The following FSCN2 variants were observed in gnomAD, a reference collection of about 807,000 sequenced individuals.
The protein encoded by FSCN2 is fascin actin-bundling protein 2, retinal, also known as fascin-2.
In FSCN2, 46 loss-of-function variants were observed where a neutral mutation model predicts 37.8. The observed-to-expected ratio is 1.22, with a 90% CI of 0.96 to 1.56. The LOEUF (loss-of-function observed/expected upper bound fraction) is 1.56, where lower values mean the gene tolerates loss of function less well. Ranked by LOEUF, FSCN2 falls within the 40% of genes most tolerant of loss-of-function variation. The pLI is 0.00. For synonymous variants in FSCN2, 351 were observed against 309.4 expected (o/e 1.13, Z -1.41); for missense variants, 844 against 730.4 (o/e 1.16, Z -1.79).
At chr17:81,529,567 G>T in intron 1 of FSCN2, 1 of 756,748 alleles carries the variant, frequency 1.3e-6, no homozygotes, top group Non-Finnish European at 2.4e-6. Flanking sequence ...ACTGAGGGGT[G>T]GTGGCTTCAG....
At chr17:81,535,838 C>A (rs1461207329) in intron 2 of FSCN2, among the ~76,000 whole-genome samples, 1 of 127,394 alleles carries the variant, frequency 7.8e-6, no homozygotes, top group Non-Finnish European at 1.6e-5. Flanking sequence ...TCTCCATCCC[C>A]ATCCCCATCT....
At chr17:81,533,741 T>C (rs769227749) in intron 1 of FSCN2, among the ~76,000 whole-genome samples, 1 of 152,136 alleles carries the variant, frequency 6.6e-6, no homozygotes, top group Non-Finnish European at 1.5e-5. Flanking sequence ...TCCACTCCTC[T>C]CCTATTTTGA....
the FSCN2 span, among the ~76,000 whole-genome samples, chr17:81,515,372 A>T: frequency 6.6e-6 from 1 of 152,090 alleles, no homozygotes; most frequent in African/African-American, 2.4e-5. Context: ...CGGCCTCCGG[A>T]GCCGGGAGAG....
intron 1 of FSCN2, 49 bp from the exon 2 acceptor site, chr17:81,535,003 C>G (rs1335779503): frequency 7.0e-7 from 1 of 1,435,540 alleles, no homozygotes; most frequent in African/African-American, 1.4e-5. Flanking sequence ...CCCTCCCCTG[C>G]TCCCTACCCA....
chr17:81,536,425 TG>T (rs2032879417), intron 3 of FSCN2, 158 bp downstream of exon 3: 1 of 1,457,820 alleles, frequency 6.9e-7, no homozygotes, highest in South Asian at 1.3e-5. Context: ...TAACTCGTCT[TG>T]GCAAGGGAAA....
Position 81,536,775 on chromosome 17 carries a change from C to G in FSCN2, c.1259C>G (p.Ala420Gly). ...DVFHLSFSDG[A>G]YRIRGRDGGF... ...TTCCACCTGAGCTTCAGCGACGGCG[C>G]CTACCGGATCCGAGGTGCGTGGCGG... The change falls in exon 4 of 5, where the codon GCC becomes GGC. Residue 420 changes from alanine (A) to glycine (G), a missense_variant. Physicochemically the swap from Ala to Gly is moderately conservative, Grantham distance 60. Transcript: ENST00000417245. The G allele has an allele frequency of 2.5e-6, 4 of 1,601,060 alleles. No individual in the cohort carries two copies. Among genetic ancestry groups the G allele is most frequent in the Non-Finnish European group, 3.4e-6 (4 of 1,173,644 alleles).
the FSCN2 span, among the ~76,000 whole-genome samples, chr17:81,520,084 C>G: frequency 3.9e-5 from 6 of 152,194 alleles, no homozygotes; most frequent in African/African-American, 1.4e-4. Context: ...TGGGCCAGGC[C>G]GTGGCAGGGG....
the FSCN2 span, among the ~76,000 whole-genome samples, chr17:81,517,769 C>T: frequency 9.3e-5 from 14 of 151,204 alleles, no homozygotes; most frequent in African/African-American, 2.4e-4. Context: ...CGCCCCCCCC[C>T]CCTCCAGTCC....
chr17:81,534,638 C>T (rs567981093), intron 1 of FSCN2, among the ~76,000 whole-genome samples: 1 of 151,964 alleles, frequency 6.6e-6, no homozygotes, highest in African/African-American at 2.4e-5. Flanking sequence ...TGCCCCATCA[C>T]CATCCGCACC....
the FSCN2 span, among the ~76,000 whole-genome samples, chr17:81,519,960 C>G: frequency 6.6e-6 from 1 of 152,200 alleles, no homozygotes; most frequent in African/African-American, 2.4e-5. Flanking sequence ...GGCTGAGAGG[C>G]TGGATCGAGG....
chr17:81,530,047 T>C (rs2032498762), intron 1 of FSCN2: 1 of 258,046 alleles, frequency 3.9e-6, no homozygotes, highest in Non-Finnish European at 7.8e-6. Flanking sequence ...CCTGACCTTG[T>C]GATCTGTCCA....
chr17:81,517,760 GC>G, the FSCN2 span, among the ~76,000 whole-genome samples: 69,769 of 113,020 alleles, frequency 0.62, 20,191 homozygotes, highest in East Asian at 0.9. Flanking sequence ...AGCTCCGGCC[GC>G]CCCCCCCCCC....
At chr17:81,523,073 C>T in the FSCN2 span, among the ~76,000 whole-genome samples, 1 of 152,212 alleles carries the variant, frequency 6.6e-6, no homozygotes, top group Admixed American at 6.5e-5. Flanking sequence ...CTTCCAGGCA[C>T]AGCCCCCCAC....
chr17:81,534,999 C>T, intron 1 of FSCN2, 53 bp from the exon 2 acceptor site: 1 of 1,424,036 alleles, frequency 7.0e-7, no homozygotes, highest in Non-Finnish European at 9.3e-7. Flanking sequence ...TGCCCCCTCC[C>T]CTGCTCCCTA....
At chr17:81,531,209 GATGGTGGTGATGGTGATA>G (rs2032543394) in intron 1 of FSCN2, among the ~76,000 whole-genome samples, 2 of 132,080 alleles carry the variant, frequency 1.5e-5, no homozygotes, top group Admixed American at 7.6e-5. Flanking sequence ...TGATGGTGGT[GATGGTGGTGATGGTGATA>G]ATGGTGATGG....
intron 1 of FSCN2, among the ~76,000 whole-genome samples, chr17:81,533,372 A>T (rs1232378995): frequency 6.6e-6 from 1 of 152,206 alleles, no homozygotes; most frequent in African/African-American, 2.4e-5. Flanking sequence ...GGGAGTCCAG[A>T]GAGCCCTGGG....
chr17:81,536,170 G>T lies in FSCN2; in HGVS notation c.1008G>T (p.Met336Ile). The change falls in exon 3 of 5, where the codon ATG becomes ATT. Residue 336 changes from methionine (M) to isoleucine (I), a missense_variant. By Grantham distance (10) the Met-to-Ile change is conservative. Coordinates refer to ENST00000417245, the MANE Select transcript of FSCN2 (RefSeq NM_012418.4). The part of the protein sequence containing the change: ...TQVSANTMFE[M>I]EWRGRRVALK... Reference sequence around the variant, plus strand: ...GTTCTGCCAACACCATGTTTGAGATGGAGTGGCGTGGCCGGCGGGTAGCAC... The same window carrying T: ...GTTCTGCCAACACCATGTTTGAGATTGAGTGGCGTGGCCGGCGGGTAGCAC... 6.2e-7 allele frequency: 1 copy of T among 1,606,098 alleles called. No homozygotes were observed. Among genetic ancestry groups the T allele is most frequent in the Non-Finnish European group, 8.5e-7 (1 of 1,176,898 alleles).
Position 81,536,411 on chromosome 17 carries a change from A to C in FSCN2, c.1105+144A>C, listed in dbSNP as rs2032878816. The C allele has an allele frequency of 4.2e-6, 6 of 1,442,844 alleles. No individual in the cohort carries two copies. The East Asian group carries it at 1.5e-4, about 36-fold the overall frequency. 89.4% of individuals were successfully genotyped at this position (1,442,844 alleles called of 1,614,324 possible). On this transcript the variant is annotated intron_variant, in intron 3 of 4. Coordinates refer to ENST00000417245, the MANE Select transcript of FSCN2 (RefSeq NM_012418.4). The stretch of plus-strand genomic sequence containing the variant: ...TGTCATGGAGTCATACTTGCTAGTC[A>C]AGATAACTCGTCTTGGCAAGGGAAA...
intron 1 of FSCN2, among the ~76,000 whole-genome samples, chr17:81,531,569 AGTGATG>A (rs1181499981): frequency 3.2e-4 from 7 of 21,840 alleles, no homozygotes; most frequent in South Asian, 1.6e-3. Context: ...TGGTGATGAT[AGTGATG>A]GTGATGATGG....
Sources: gnomAD v4.1 joint callset for allele counts (sites outside exome capture counted in the v4.1 genomes callset) on GRCh38, gnomAD v4.1.1 for gene constraint, MANE v1.5 for transcripts, NCBI Gene and HGNC (gene_info 2026-07-23, HGNC 2026-07-21) for gene names.